The following MBTD1 variants were observed in gnomAD, a reference collection of about 807,000 sequenced individuals.
The protein encoded by MBTD1 is MBT domain-containing protein 1.
In MBTD1, 24 loss-of-function variants were observed where a neutral mutation model predicts 87.8. That is an observed-to-expected ratio of 0.27 (90% CI 0.20 to 0.38). The LOEUF (loss-of-function observed/expected upper bound fraction) is 0.38, where lower values mean the gene tolerates loss of function less well. Among genes scored for constraint, MBTD1 ranks in the 10% least tolerant of loss-of-function variants. MBTD1 has a pLI of 1.00. For synonymous variants in MBTD1, 237 were observed against 248.6 expected (o/e 0.95, Z 0.44); for missense variants, 436 against 760.2 (o/e 0.57, Z 5.02).
In MBTD1 at chr17:51,221,630, A is replaced by G. The variant is rs181563259; in HGVS notation, c.155-1167T>C. The stretch of plus-strand genomic sequence containing the variant: ...GGATTCAACCAAAAGCAGACTGAAA[A>G]TATTTTGGGAAAAAAAAATTGCGTC... On this transcript the variant is annotated intron_variant, in intron 3 of 16. Transcript: ENST00000586178. 6.1e-5 allele frequency among the ~76,000 whole-genome samples: 9 copies of G among 148,420 alleles called. No homozygotes were observed. In the East Asian group the frequency reaches 1.8e-3, roughly 30 times the overall value.
chr17:51,212,046 G>C (rs1024794530), intron 6 of MBTD1, among the ~76,000 whole-genome samples: 2 of 152,084 alleles, frequency 1.3e-5, no homozygotes, highest in African/African-American at 4.8e-5. Flanking sequence ...GTAACAAGAG[G>C]GTATCTGTGG....
intron 2 of MBTD1, among the ~76,000 whole-genome samples, chr17:51,240,149 A>G (rs2054083037): frequency 6.6e-6 from 1 of 152,082 alleles, no homozygotes; most frequent in Non-Finnish European, 1.5e-5. Context: ...TAAAGACTTT[A>G]TTTTTTGAGA....
intron 3 of MBTD1, among the ~76,000 whole-genome samples, chr17:51,222,007 T>C (rs1243800426): frequency 2.0e-5 from 3 of 152,148 alleles, no homozygotes; most frequent in African/African-American, 7.2e-5. Flanking sequence ...CTAAACGGTT[T>C]TCTGTTGCAA....
intron 1 of MBTD1, 65 bp downstream of exon 1, chr17:51,259,770 G>C: frequency 8.1e-7 from 1 of 1,228,726 alleles, no homozygotes. Context: ...GGGTTCCTGG[G>C]GTCGGAGAGC....
At chr17:51,229,638 C>T (rs1015146242) in intron 2 of MBTD1, among the ~76,000 whole-genome samples, 1 of 150,616 alleles carries the variant, frequency 6.6e-6, no homozygotes, top group African/African-American at 2.4e-5. Flanking sequence ...AATGTTGCCA[C>T]AGCCCAGGCA....
chr17:51,252,727 C>G, intron 2 of MBTD1, among the ~76,000 whole-genome samples: 1 of 105,950 alleles, frequency 9.4e-6, no homozygotes, highest in East Asian at 3.0e-4. Flanking sequence ...GAGTGAGACT[C>G]TGTCTCAAAA....
chr17:51,218,879 T>A, intron 5 of MBTD1, 51 bp downstream of exon 5: 1 of 1,075,560 alleles, frequency 9.3e-7, no homozygotes, highest in South Asian at 1.4e-5. Context: ...TAATTAAAAC[T>A]AAATGAATCA....
At position 51,237,588 on chromosome 17, in the gene MBTD1, G is replaced by A. The variant is rs569975081; in HGVS notation, c.-48-12379C>T. On this transcript the variant is annotated intron_variant, in intron 2 of 16. Transcript: ENST00000586178. Reference sequence around the variant, plus strand: ...ACATGAAAAGATGCTCAACATCAGCGGTCACTGAGAAAACACAAATTAAAA... The same window carrying A: ...ACATGAAAAGATGCTCAACATCAGCAGTCACTGAGAAAACACAAATTAAAA... Among the ~76,000 whole-genome samples, 7 of 152,084 alleles carry A rather than the reference G, an allele frequency of 4.6e-5. No individual in the cohort carries two copies. The East Asian group carries it at 9.7e-4, about 21-fold the overall frequency.
intron 2 of MBTD1, chr17:51,250,952 T>C (rs1221744908): frequency 6.6e-6 from 1 of 152,234 alleles, no homozygotes; most frequent in Non-Finnish European, 1.5e-5. Flanking sequence ...AAAACTTCAT[T>C]ATTGGTTATG....
chr17:51,192,759 A>C, intron 15 of MBTD1, 23 bp downstream of exon 15: 4 of 1,610,984 alleles, frequency 2.5e-6, no homozygotes, highest in Non-Finnish European at 3.4e-6. Context: ...ACAAAAGGAC[A>C]CCTTTTCTGT....
intron 3 of MBTD1, among the ~76,000 whole-genome samples, chr17:51,222,252 T>C (rs558044442): frequency 5.3e-5 from 8 of 152,374 alleles, no homozygotes; most frequent in Admixed American, 4.6e-4. Context: ...TTTCCTTTTA[T>C]GATAGGATTA....
At chr17:51,222,549 C>A (rs529460323) in intron 3 of MBTD1, among the ~76,000 whole-genome samples, 65 of 151,992 alleles carry the variant, frequency 4.3e-4, no homozygotes, top group Middle Eastern at 3.4e-3. Context: ...GGACTACAGG[C>A]ACACGCCACC....
chr17:51,259,740 A>G, intron 1 of MBTD1, 95 bp downstream of exon 1: 1 of 1,140,406 alleles, frequency 8.8e-7, no homozygotes, highest in Non-Finnish European at 1.1e-6. Flanking sequence ...CAGGCCAGGG[A>G]GCGGGGTCAG....
At chr17:51,234,770 C>T (rs965388574) in intron 2 of MBTD1, among the ~76,000 whole-genome samples, 10 of 152,072 alleles carry the variant, frequency 6.6e-5, no homozygotes, top group Non-Finnish European at 1.5e-4. Flanking sequence ...CTCGGCTCAC[C>T]GCAACCTCCG....
At chr17:51,212,065 T>A (rs1442599974) in intron 6 of MBTD1, among the ~76,000 whole-genome samples, 1 of 152,026 alleles carries the variant, frequency 6.6e-6, no homozygotes, top group Non-Finnish European at 1.5e-5. Flanking sequence ...GGAGGCAGAA[T>A]GAAAAAGTAT....
chr17:51,193,762 G>A (rs1441971896), intron 13 of MBTD1, among the ~76,000 whole-genome samples: 3 of 152,168 alleles, frequency 2.0e-5, no homozygotes, highest in African/African-American at 7.2e-5. Context: ...GGGACTACAG[G>A]CACATGCCAC....
chr17:51,196,075 T>C (rs1012316134), intron 12 of MBTD1, among the ~76,000 whole-genome samples: 6 of 152,024 alleles, frequency 3.9e-5, no homozygotes, highest in African/African-American at 9.7e-5. Context: ...ACTCGGCTAA[T>C]TGTTTAATTT....
chr17:51,222,630 T>C, intron 3 of MBTD1, among the ~76,000 whole-genome samples: 1 of 151,944 alleles, frequency 6.6e-6, no homozygotes, highest in Non-Finnish European at 1.5e-5. Context: ...ACTCCTGAGC[T>C]TAGGCAATCT....
At chr17:51,254,937 T>A (rs1568247798) in intron 2 of MBTD1, among the ~76,000 whole-genome samples, 1 of 152,230 alleles carries the variant, frequency 6.6e-6, no homozygotes, top group Non-Finnish European at 1.5e-5. Context: ...AAGCTGGGTC[T>A]GTAGGGCGAA....
Sources: gnomAD v4.1 joint callset for allele counts (sites outside exome capture counted in the v4.1 genomes callset) on GRCh38, gnomAD v4.1.1 for gene constraint, MANE v1.5 for transcripts, NCBI Gene and HGNC (gene_info 2026-07-23, HGNC 2026-07-21) for gene names.